Variants in ARHGAP35 observed in about 807,000 individuals in gnomAD.
ARHGAP35 encodes rho GTPase-activating protein 35.
ARHGAP35 carries 15 observed loss-of-function variants against 111.1 expected under a neutral mutation model. The observed-to-expected ratio is 0.13, with a 90% CI of 0.09 to 0.21. The LOEUF (loss-of-function observed/expected upper bound fraction) is 0.21, where lower values mean the gene tolerates loss of function less well. Among genes scored for constraint, ARHGAP35 ranks in the 10% least tolerant of loss-of-function variants. The pLI is 1.00. For missense variants in ARHGAP35, 1,262 were observed against 1,873.0 expected (o/e 0.67, Z 6.02); for synonymous variants, 643 against 710.3 (o/e 0.91, Z 1.51).
intron 3 of ARHGAP35, among the ~76,000 whole-genome samples, chr19:46,941,368 C>T (rs2056345997): frequency 6.6e-6 from 1 of 151,982 alleles, no homozygotes; most frequent in Admixed American, 6.6e-5. Context: ...CTCTGTTCTC[C>T]TTGTCTCCCT....
At position 46,918,602 on chromosome 19, in the gene ARHGAP35, T is replaced by C. The variant is rs916849215; in HGVS notation, c.-74T>C. 4.9e-5 allele frequency: 71 copies of C among 1,458,482 alleles called. 1 individual carries two copies. The highest frequency in any genetic ancestry group is 6.0e-5 in the Non-Finnish European group (64 of 1,065,198). The allele number at this position is 1,458,482 out of a possible 1,614,324, so 90.3% of individuals were successfully genotyped here. ...GTCCAGCCCACCCCCACTAATAATG[T>C]AGGAAGCTGTCTGGTCCATTGGAAA... On this transcript the variant is annotated 5_prime_UTR_variant, in exon 2 of 7. An upstream open reading frame in the 5' UTR loses its in-frame stop. Transcript: ENST00000672722. This position sits in a 1 kb window ranked among gnomAD's most constrained non-coding sequence, Gnocchi z 5.4.
intron 1 of ARHGAP35, among the ~76,000 whole-genome samples, 158 bp downstream of exon 1, chr19:46,861,367 C>A (rs1041332183): frequency 6.7e-6 from 1 of 149,834 alleles, no homozygotes; most frequent in African/African-American, 2.4e-5. Context: ...CCCCCGGGCC[C>A]CGCCGTCCCC....
intron 2 of ARHGAP35, among the ~76,000 whole-genome samples, chr19:46,936,147 T>C (rs1395323343): frequency 6.6e-6 from 1 of 152,012 alleles, no homozygotes; most frequent in Non-Finnish European, 1.5e-5. Context: ...GATGCTGAGG[T>C]AGGAAGATCA....
intron 3 of ARHGAP35, among the ~76,000 whole-genome samples, chr19:46,981,081 G>A (rs982826244): frequency 6.6e-6 from 1 of 152,166 alleles, no homozygotes; most frequent in African/African-American, 2.4e-5. Flanking sequence ...TGTTAGCATT[G>A]GATGAAAAAG....
At chr19:46,888,718 G>T (rs2056008554) in intron 1 of ARHGAP35, among the ~76,000 whole-genome samples, 2 of 151,866 alleles carry the variant, frequency 1.3e-5, no homozygotes, top group Non-Finnish European at 2.9e-5. Flanking sequence ...CTTTGGCCGG[G>T]TGTGGTGGCT....
intron 3 of ARHGAP35, 89 bp from the exon 4 acceptor site, chr19:46,987,900 C>G: frequency 7.5e-7 from 1 of 1,327,658 alleles, no homozygotes; most frequent in Non-Finnish European, 1.1e-6. Context: ...CATGGACTTT[C>G]CCTGGCTTTC....
At chr19:46,867,896 T>A (rs561887042) in intron 1 of ARHGAP35, among the ~76,000 whole-genome samples, 1 of 152,202 alleles carries the variant, frequency 6.6e-6, no homozygotes, top group Non-Finnish European at 1.5e-5. Flanking sequence ...AGACAGAGTC[T>A]CGCTCTATCG....
At position 46,993,337 on chromosome 19, in the gene ARHGAP35, A is replaced by G. The variant is rs1214051483; in HGVS notation, c.4036+3662A>G. The stretch of plus-strand genomic sequence containing the variant: ...GGCGTGCAGATGGTCAGCGGCGGCC[A>G]GCAGGGACTTTCCTCCAGGCACCGA... On this transcript the variant is annotated intron_variant, in intron 5 of 6. Coordinates refer to ENST00000672722, the MANE Select transcript of ARHGAP35 (RefSeq NM_004491.5). This position sits in a 1 kb window ranked among gnomAD's most constrained non-coding sequence, Gnocchi z 4.6. Among the ~76,000 whole-genome samples, 2 of 152,214 alleles carry G rather than the reference A, an allele frequency of 1.3e-5. No homozygotes were observed. The highest frequency in any genetic ancestry group is 4.8e-5 in the African/African-American group (2 of 41,452).
intron 1 of ARHGAP35, among the ~76,000 whole-genome samples, chr19:46,879,266 C>G (rs2055944266): frequency 6.6e-6 from 1 of 152,002 alleles, no homozygotes; most frequent in Non-Finnish European, 1.5e-5. Flanking sequence ...ACCAGCCTGG[C>G]CAACATGGAG....
chr19:46,972,560 A>G (rs1040660570), intron 3 of ARHGAP35, among the ~76,000 whole-genome samples: 3 of 152,204 alleles, frequency 2.0e-5, no homozygotes, highest in African/African-American at 7.2e-5. Context: ...TGCGGGCAGC[A>G]TGACAGATGT....
chr19:46,869,943 CTTTTTTTTTTT>C (rs746775975), intron 1 of ARHGAP35, among the ~76,000 whole-genome samples: 29 of 111,164 alleles, frequency 2.6e-4, no homozygotes, highest in Non-Finnish European at 4.9e-4. Flanking sequence ...TCACTGTGTA[CTTTTTTTTTTT>C]TTTTTTTTTT....
chr19:46,869,475 A>ATT (rs1470885948), intron 1 of ARHGAP35, among the ~76,000 whole-genome samples: 5 of 118,084 alleles, frequency 4.2e-5, no homozygotes, highest in Non-Finnish European at 6.8e-5. Context: ...AAGAAAAAAA[A>ATT]TTGTGTGTGT....
At chr19:46,892,140 A>G (rs865994133) in intron 1 of ARHGAP35, among the ~76,000 whole-genome samples, 1,745 of 149,520 alleles carry the variant, frequency 0.012, 19 homozygotes, top group South Asian at 0.027. Flanking sequence ...AAAAAAAAAA[A>G]AAAAAAAGAA....
rs545059272 is a variant in ARHGAP35, at chr19:46,889,745, C to T, written c.-189+28536C>T. On this transcript the variant is annotated intron_variant, in intron 1 of 6. Coordinates refer to ENST00000672722, the MANE Select transcript of ARHGAP35 (RefSeq NM_004491.5). ...CAGCCTGGGCGACAGAGCGAGACTC[C>T]GTCTCAAAAAAAAAAAAAAAAAAAA... 2.8e-4 allele frequency among the ~76,000 whole-genome samples: 29 copies of T among 104,904 alleles called. No individual in the cohort carries two copies. In the East Asian group the frequency reaches 6.4e-3, roughly 23 times the overall value. 68.8% of individuals were successfully genotyped at this position (104,904 alleles called of 152,430 possible). A position where few individuals can be genotyped will look rare whatever the true frequency, so the allele number is the denominator to read the frequency against.
At chr19:46,886,341 C>G (rs1268900384) in intron 1 of ARHGAP35, among the ~76,000 whole-genome samples, 1 of 151,910 alleles carries the variant, frequency 6.6e-6, no homozygotes, top group Non-Finnish European at 1.5e-5. Flanking sequence ...ATTAGTTTAA[C>G]TTTAAATGGC....
In ARHGAP35 at chr19:47,000,954, G is replaced by T; in HGVS notation, c.*266G>T. ...GCAATGGCTCCAGTGCCCTCCCTCTGTTCCCTGGACCACCACCCCACGTAG... is the reference window on the plus strand; with the variant it reads ...GCAATGGCTCCAGTGCCCTCCCTCTTTTCCCTGGACCACCACCCCACGTAG... On this transcript the variant is annotated 3_prime_UTR_variant, in exon 7 of 7. Coordinates refer to ENST00000672722, the MANE Select transcript of ARHGAP35 (RefSeq NM_004491.5). This position sits in a 1 kb window ranked among gnomAD's most constrained non-coding sequence, Gnocchi z 6.9. 6.6e-7 allele frequency: 1 copy of T among 1,518,778 alleles called. No individual in the cohort carries two copies. The allele number at this position is 1,518,778 out of a possible 1,614,324, so 94.1% of individuals were successfully genotyped here.
chr19:46,996,831 A>G (rs1235825365), intron 5 of ARHGAP35, among the ~76,000 whole-genome samples: 1 of 152,220 alleles, frequency 6.6e-6, no homozygotes, highest in African/African-American at 2.4e-5. Flanking sequence ...TAAAATGACA[A>G]TGAATTGTTT....
intron 1 of ARHGAP35, among the ~76,000 whole-genome samples, chr19:46,887,862 A>G (rs551256981): frequency 1.3e-5 from 2 of 152,144 alleles, no homozygotes; most frequent in South Asian, 2.1e-4. Flanking sequence ...TATTTTTTTC[A>G]GGAAGCCTTC....
rs368109638 is a variant in ARHGAP35, at chr19:46,999,965, G to A, written c.4143-366G>A. 10 of 276,284 alleles carry A rather than the reference G, an allele frequency of 3.6e-5. No individual in the cohort carries two copies. The highest frequency in any genetic ancestry group is 1.9e-4 in the Admixed American group (4 of 20,954). The allele number at this position is 276,284 out of a possible 1,614,324, so 17.1% of individuals were successfully genotyped here. ...TGTGTGTGGAGGAGATCTGCTGGCCGAGTGGCCTCTGATGGCGCTCTGGCT... is the reference window on the plus strand; with the variant it reads ...TGTGTGTGGAGGAGATCTGCTGGCCAAGTGGCCTCTGATGGCGCTCTGGCT... On this transcript the variant is annotated intron_variant, in intron 6 of 6. Coordinates refer to ENST00000672722, the MANE Select transcript of ARHGAP35 (RefSeq NM_004491.5). The surrounding 1 kb of genome is among the most constrained non-coding windows in gnomAD (Gnocchi z 5.4).
Sources: gnomAD v4.1 joint callset for allele counts (sites outside exome capture counted in the v4.1 genomes callset) on GRCh38, gnomAD v4.1.1 for gene constraint, Gnocchi (gnomAD v3.1) non-coding constraint, MANE v1.5 for transcripts, NCBI Gene and HGNC (gene_info 2026-07-23, HGNC 2026-07-21) for gene names.